HS3ST3A1: variants seen among roughly 807,000 people sequenced by gnomAD.
HS3ST3A1 encodes the protein heparan sulfate-glucosamine 3-sulfotransferase 3A1, also known as heparan sulfate glucosamine 3-O-sulfotransferase 3A1.
A neutral mutation model predicts 25.7 loss-of-function variants in HS3ST3A1; 19 were observed. The observed-to-expected ratio is 0.74, with a 90% CI of 0.52 to 1.08. HS3ST3A1 has a LOEUF of 1.08. Ranked by LOEUF, HS3ST3A1 falls within the 50% of genes least tolerant of loss-of-function variation. The pLI is 0.00. For synonymous variants in HS3ST3A1, 226 were observed against 278.6 expected (o/e 0.81, Z 1.88); for missense variants, 459 against 594.3 (o/e 0.77, Z 2.37).
At chr17:13,579,543 A>G (rs1202294199) in intron 1 of HS3ST3A1, among the ~76,000 whole-genome samples, 1 of 151,114 alleles carries the variant, frequency 6.6e-6, no homozygotes, top group Admixed American at 6.6e-5. Flanking sequence ...TCTACTAAAA[A>G]ATACAAAAAC....
intron 1 of HS3ST3A1, among the ~76,000 whole-genome samples, chr17:13,505,890 G>T (rs1006189762): frequency 6.6e-6 from 1 of 151,938 alleles, no homozygotes; most frequent in Non-Finnish European, 1.5e-5. Flanking sequence ...CGGGTGTGGT[G>T]GCGCGTGCCT....
intron 1 of HS3ST3A1, among the ~76,000 whole-genome samples, chr17:13,525,330 A>G (rs1906376558): frequency 6.6e-6 from 1 of 151,966 alleles, no homozygotes; most frequent in Non-Finnish European, 1.5e-5. Context: ...TTTTTTCCTT[A>G]AAACTGTAAT....
chr17:13,597,704 A>G (rs1041030241), intron 1 of HS3ST3A1, among the ~76,000 whole-genome samples: 2 of 152,228 alleles, frequency 1.3e-5, no homozygotes, highest in Admixed American at 6.5e-5. Flanking sequence ...ATTTTGAATA[A>G]TAAATATTTT....
intron 1 of HS3ST3A1, among the ~76,000 whole-genome samples, chr17:13,586,871 CAAAAAAAAAAA>C (rs57580843): frequency 4.0e-4 from 18 of 44,692 alleles, no homozygotes; most frequent in Admixed American, 1.1e-3. Context: ...CTCTGTCTCA[CAAAAAAAAAAA>C]AAAAAAAAAA....
intron 1 of HS3ST3A1, among the ~76,000 whole-genome samples, chr17:13,508,990 C>G (rs565527296): frequency 1.3e-5 from 2 of 151,286 alleles, no homozygotes; most frequent in Non-Finnish European, 2.9e-5. Context: ...AGCCTAAGTG[C>G]CAATCTTGCC....
intron 1 of HS3ST3A1, among the ~76,000 whole-genome samples, chr17:13,547,964 C>A (rs895672455): frequency 9.9e-5 from 14 of 141,438 alleles, no homozygotes; most frequent in East Asian, 2.1e-4. Flanking sequence ...AAAAAAAAAA[C>A]CACACGTTTG....
At chr17:13,536,176 C>G (rs569123398) in intron 1 of HS3ST3A1, among the ~76,000 whole-genome samples, 1 of 152,268 alleles carries the variant, frequency 6.6e-6, no homozygotes, top group South Asian at 2.1e-4. Flanking sequence ...AGAGCCCAAG[C>G]TTGAAAGAAG....
chr17:13,536,477 G>A (rs1295686953), intron 1 of HS3ST3A1, among the ~76,000 whole-genome samples: 2 of 152,196 alleles, frequency 1.3e-5, no homozygotes, highest in South Asian at 2.1e-4. Context: ...AAGAGAGTGG[G>A]TATTCCCCTC....
At chr17:13,570,943 T>C (rs1004848700) in intron 1 of HS3ST3A1, among the ~76,000 whole-genome samples, 2 of 152,200 alleles carry the variant, frequency 1.3e-5, no homozygotes, top group Non-Finnish European at 2.9e-5. Flanking sequence ...AGAAGGAAAC[T>C]GAGACGCAGG....
At chr17:13,595,154 C>T (rs1409955635) in intron 1 of HS3ST3A1, among the ~76,000 whole-genome samples, 1 of 152,164 alleles carries the variant, frequency 6.6e-6, no homozygotes, top group African/African-American at 2.4e-5. Context: ...GTAATACAGT[C>T]GGGCAATCTT....
At chr17:13,503,173 CAAAAAAAA>C (rs144678351) in intron 1 of HS3ST3A1, among the ~76,000 whole-genome samples, 1 of 86,870 alleles carries the variant, frequency 1.2e-5, no homozygotes, top group African/African-American at 4.2e-5. Context: ...GACTCCATCT[CAAAAAAAA>C]AAAAAAAAAA....
intron 1 of HS3ST3A1, among the ~76,000 whole-genome samples, chr17:13,549,223 G>C (rs908552039): frequency 6.6e-6 from 1 of 152,074 alleles, no homozygotes; most frequent in South Asian, 2.1e-4. Flanking sequence ...CCCTCACTGC[G>C]AAGGTCTGCG....
intron 1 of HS3ST3A1, among the ~76,000 whole-genome samples, chr17:13,568,318 C>A (rs546067511): frequency 9.2e-5 from 14 of 152,274 alleles, no homozygotes; most frequent in Middle Eastern, 6.8e-3. Flanking sequence ...ACTGGGAAAT[C>A]AAATAACTTG....
At chr17:13,499,251 C>G (rs755824937) in intron 1 of HS3ST3A1, among the ~76,000 whole-genome samples, 1 of 152,112 alleles carries the variant, frequency 6.6e-6, no homozygotes, top group Non-Finnish European at 1.5e-5. Flanking sequence ...CTCTGTGACT[C>G]CTTCTGTGGA....
At chr17:13,597,058 T>C (rs757381499) in intron 1 of HS3ST3A1, among the ~76,000 whole-genome samples, 6 of 152,150 alleles carry the variant, frequency 3.9e-5, no homozygotes, top group Non-Finnish European at 7.4e-5. Context: ...GTGATGTCCT[T>C]CTCTGCTGAA....
intron 1 of HS3ST3A1, among the ~76,000 whole-genome samples, chr17:13,577,805 GC>G (rs756857581): frequency 2.6e-5 from 4 of 151,992 alleles, no homozygotes; most frequent in Non-Finnish European, 5.9e-5. Flanking sequence ...TCAAGTTCAG[GC>G]CCCAGCTTTT....
At chr17:13,575,318 G>T (rs928981842) in intron 1 of HS3ST3A1, among the ~76,000 whole-genome samples, 5 of 152,190 alleles carry the variant, frequency 3.3e-5, no homozygotes, top group Non-Finnish European at 7.4e-5. Flanking sequence ...AGGTCAGAAA[G>T]ACATGAAATT....
intron 1 of HS3ST3A1, among the ~76,000 whole-genome samples, chr17:13,500,365 C>T (rs1188112289): frequency 6.6e-6 from 1 of 152,168 alleles, no homozygotes; most frequent in Non-Finnish European, 1.5e-5. Flanking sequence ...TACTTTTGCA[C>T]CAACCTAATA....
Position 13,556,871 on chromosome 17 carries a change from G to A in HS3ST3A1, c.599+43660C>T, listed in dbSNP as rs994551504. On this transcript the variant is annotated intron_variant, in intron 1 of 1. Coordinates refer to ENST00000284110, the MANE Select transcript of HS3ST3A1 (RefSeq NM_006042.3). Reference sequence around the variant, plus strand: ...CGCCTAAAAAAAAAAAAAAAAGCAAGATGAAATCAGCATAAACAGAAATGC... The same window carrying A: ...CGCCTAAAAAAAAAAAAAAAAGCAAAATGAAATCAGCATAAACAGAAATGC... 3.6e-5 allele frequency among the ~76,000 whole-genome samples: 5 copies of A among 138,330 alleles called. No homozygotes were observed. The East Asian group carries it at 6.1e-4, about 17-fold the overall frequency. The allele number at this position is 138,330 out of a possible 152,430, so 90.7% of individuals were successfully genotyped here. A position where few individuals can be genotyped will look rare whatever the true frequency, so the allele number is the denominator to read the frequency against.
Sources: allele counts gnomAD v4.1 joint callset (sites outside exome capture counted in the v4.1 genomes callset), GRCh38; gene constraint gnomAD v4.1.1; transcripts MANE v1.5; gene names NCBI Gene and HGNC (gene_info 2026-07-23, HGNC 2026-07-21).